PRRX1: variants seen among roughly 807,000 people sequenced by gnomAD.
The protein encoded by PRRX1 is paired mesoderm homeobox protein 1.
A neutral mutation model predicts 24.0 loss-of-function variants in PRRX1; 8 were observed. The ratio of observed to expected loss-of-function variants is 0.33; its 90% CI spans 0.20 to 0.60. The LOEUF (loss-of-function observed/expected upper bound fraction) is 0.60. Ranked by LOEUF, PRRX1 falls within the 20% of genes least tolerant of loss-of-function variation. The pLI, the probability that PRRX1 is intolerant of heterozygous loss-of-function variation, is 0.82. For synonymous variants in PRRX1, 160 were observed against 131.7 expected, an observed-to-expected ratio of 1.22 and a Z score of -1.47; for missense variants, 281 against 322.4, an observed-to-expected ratio of 0.87 and a Z score of 0.98.
chr1:170,730,513 A>C (rs904009649), intron 3 of PRRX1: 14 of 622,798 alleles, frequency 2.2e-5, no homozygotes, highest in Non-Finnish European at 3.1e-5. Context: ...ATGTCCACTA[A>C]ATGAAGCATA....
intron 1 of PRRX1, among the ~76,000 whole-genome samples, chr1:170,713,255 G>A (rs1048820432): frequency 2.2e-4 from 33 of 152,074 alleles, no homozygotes; most frequent in African/African-American, 5.8e-4. Flanking sequence ...ATCATCACAC[G>A]GAAAATGCCC....
At chr1:170,679,548 T>C (rs562310703) in intron 1 of PRRX1, among the ~76,000 whole-genome samples, 32 of 152,288 alleles carry the variant, frequency 2.1e-4, no homozygotes, top group Non-Finnish European at 3.4e-4. Flanking sequence ...TACAGGTGCC[T>C]GCCACCACAC....
chr1:170,695,461 C>T (rs1654136569), intron 1 of PRRX1, among the ~76,000 whole-genome samples: 1 of 152,144 alleles, frequency 6.6e-6, no homozygotes, highest in South Asian at 2.1e-4. Flanking sequence ...TGTCATTTGT[C>T]TGTTGACATA....
chr1:170,706,325 T>C (rs1034664312), intron 1 of PRRX1, among the ~76,000 whole-genome samples: 19 of 152,250 alleles, frequency 1.2e-4, no homozygotes, highest in African/African-American at 4.3e-4. Flanking sequence ...TATATTATTC[T>C]TTACTATATA....
At chr1:170,708,131 G>C (rs1654624699) in intron 1 of PRRX1, among the ~76,000 whole-genome samples, 1 of 152,270 alleles carries the variant, frequency 6.6e-6, no homozygotes, top group Non-Finnish European at 1.5e-5. Flanking sequence ...CCAGATTTCA[G>C]ATGATGAGGA....
intron 1 of PRRX1, among the ~76,000 whole-genome samples, chr1:170,698,137 A>C (rs1483092892): frequency 6.6e-6 from 1 of 152,156 alleles, no homozygotes; most frequent in African/African-American, 2.4e-5. Flanking sequence ...AATATAGCCA[A>C]CAAAAACAAA....
chr1:170,692,447 T>C (rs2101898954), intron 1 of PRRX1, among the ~76,000 whole-genome samples: 1 of 152,252 alleles, frequency 6.6e-6, no homozygotes, highest in Middle Eastern at 3.4e-3. Context: ...GTAGCTAACT[T>C]TCTAGAATGT....
intron 1 of PRRX1, among the ~76,000 whole-genome samples, chr1:170,701,598 G>A (rs1466926019): frequency 6.6e-6 from 1 of 151,460 alleles, no homozygotes; most frequent in Non-Finnish European, 1.5e-5. Flanking sequence ...CTATTAAGAA[G>A]TAGAAGAATT....
chr1:170,681,108 G>A (rs534163358), intron 1 of PRRX1, among the ~76,000 whole-genome samples: 1 of 152,306 alleles, frequency 6.6e-6, no homozygotes, highest in South Asian at 2.1e-4. Flanking sequence ...AAATTAAGGT[G>A]TATTGAGTAC....
At chr1:170,688,589 T>A (rs1024077607) in intron 1 of PRRX1, among the ~76,000 whole-genome samples, 1 of 152,164 alleles carries the variant, frequency 6.6e-6, no homozygotes, top group Admixed American at 6.5e-5. Flanking sequence ...TAAAAACATT[T>A]AAATAAACCT....
intron 1 of PRRX1, among the ~76,000 whole-genome samples, chr1:170,664,986 C>A (rs544067375): frequency 5.1e-4 from 77 of 152,348 alleles, no homozygotes; most frequent in African/African-American, 1.5e-3. Context: ...ACGCGGGCAC[C>A]GTAAGGCCGG....
At chr1:170,688,558 A>T (rs866642652) in intron 1 of PRRX1, among the ~76,000 whole-genome samples, 3 of 152,284 alleles carry the variant, frequency 2.0e-5, no homozygotes, top group Non-Finnish European at 2.9e-5. Context: ...TTTAAAAGGT[A>T]TGAATATTGA....
intron 1 of PRRX1, among the ~76,000 whole-genome samples, chr1:170,679,634 T>C (rs776348378): frequency 4.9e-4 from 74 of 152,080 alleles, no homozygotes; most frequent in Non-Finnish European, 8.8e-4. Context: ...CTCCTGACCT[T>C]GTGATCCGCC....
intron 1 of PRRX1, among the ~76,000 whole-genome samples, chr1:170,712,597 A>T (rs1205681434): frequency 6.6e-6 from 1 of 152,214 alleles, no homozygotes; most frequent in Non-Finnish European, 1.5e-5. Flanking sequence ...CACTGGTAGA[A>T]GTAAAATCCA....
At chr1:170,708,737 A>T (rs1257640210) in intron 1 of PRRX1, among the ~76,000 whole-genome samples, 2 of 152,310 alleles carry the variant, frequency 1.3e-5, no homozygotes, top group East Asian at 3.9e-4. Context: ...CACTTTGTTC[A>T]CCTGCCTTCA....
intron 1 of PRRX1, among the ~76,000 whole-genome samples, chr1:170,681,412 G>A (rs1455981577): frequency 1.3e-5 from 2 of 151,596 alleles, no homozygotes; most frequent in Admixed American, 1.3e-4. Flanking sequence ...GTGGAACATA[G>A]AACTCTTGTA....
At chr1:170,734,689 A>G (rs1655548977) in intron 3 of PRRX1, among the ~76,000 whole-genome samples, 1 of 152,106 alleles carries the variant, frequency 6.6e-6, no homozygotes, top group Non-Finnish European at 1.5e-5. Flanking sequence ...AGTCACCCAT[A>G]CACTTAACCA....
chr1:170,668,392 C>T (rs983508337), intron 1 of PRRX1: 3 of 152,172 alleles, frequency 2.0e-5, no homozygotes, highest in African/African-American at 7.2e-5. Context: ...CTAATAAGAC[C>T]TTTTGTTGGA....
chr1:170,687,631 G>T (rs999202105), intron 1 of PRRX1, among the ~76,000 whole-genome samples: 6 of 152,142 alleles, frequency 3.9e-5, no homozygotes, highest in Admixed American at 1.3e-4. Flanking sequence ...GTAAGATAAT[G>T]TATAGGATAT....
Sources: gnomAD v4.1 joint callset for allele counts (sites outside exome capture counted in the v4.1 genomes callset) on GRCh38, gnomAD v4.1.1 for gene constraint, MANE v1.5 for transcripts, NCBI Gene and HGNC (gene_info 2026-07-23, HGNC 2026-07-21) for gene names.